The following ZNF281 variants were observed in gnomAD, a reference collection of about 807,000 sequenced individuals.
ZNF281 encodes GC-box-binding zinc finger protein 1.
A neutral mutation model predicts 58.8 loss-of-function variants in ZNF281; 2 were observed. The ratio of observed to expected loss-of-function variants is 0.03; its 90% CI spans 0.01 to 0.11. ZNF281 has a LOEUF of 0.11. Ranked by LOEUF, ZNF281 falls within the 10% of genes least tolerant of loss-of-function variation. The pLI is 1.00. For synonymous variants in ZNF281, 465 were observed against 407.7 expected, an observed-to-expected ratio of 1.14 and a Z score of -1.69; for missense variants, 975 against 1,090.7, an observed-to-expected ratio of 0.89 and a Z score of 1.49.
Position 200,405,997 on chromosome 1 carries a change from TAG to T in ZNF281, c.*1019_*1020del, listed in dbSNP as rs1558003501. ...GGTTCTAAAATTAAAACTGTTAAAATAGAAAGAGGGAAAAGGAAGGCCCAAGA... is the reference window on the plus strand; with the variant it reads ...GGTTCTAAAATTAAAACTGTTAAAATAAAGAGGGAAAAGGAAGGCCCAAGA... On this transcript the variant is annotated 3_prime_UTR_variant, in exon 2 of 2. Coordinates refer to ENST00000367353, the MANE Select transcript of ZNF281 (RefSeq NM_001281293.2). The T allele has an allele frequency of 1.3e-5, 2 of 151,722 alleles. No individual in the cohort carries two copies. The highest frequency in any genetic ancestry group is 2.9e-5 in the Non-Finnish European group (2 of 67,950). 9.4% of individuals were successfully genotyped at this position (151,722 alleles called of 1,614,324 possible).
In ZNF281 at chr1:200,407,424, G is replaced by T; in HGVS notation, c.2282C>A (p.Pro761His). 1 of 1,614,160 alleles carries T rather than the reference G, an allele frequency of 6.2e-7. No homozygotes were observed. The highest frequency in any genetic ancestry group is 1.7e-5 in the Admixed American group (1 of 60,016). ...ALDATHQQLT[P>H]SQELDDLIDS... ...TATCAGATCATCCAGCTCCTGGGAA[G>T]GTGTCAACTGCTGATGTGTAGCATC... Residue 761 changes from proline (P) to histidine (H), a missense_variant, in exon 2 of 2, where the codon CCT becomes CAT. By Grantham distance (77) the Pro-to-His change is moderately conservative. Around this residue, in one of 3 missense-constraint regions of ZNF281, gnomAD observed 579 missense variants for 608.9 expected, o/e 0.95. Transcript: ENST00000367353.
chr1:200,410,020 A>G lies in ZNF281; in HGVS notation c.-93T>C. 1 of 505,332 alleles carries G rather than the reference A, an allele frequency of 2.0e-6. No homozygotes were observed. The highest frequency in any genetic ancestry group is 3.5e-6 in the Non-Finnish European group (1 of 283,060). The allele number at this position is 505,332 out of a possible 1,614,324, so 31.3% of individuals were successfully genotyped here. A position where few individuals can be genotyped will look rare whatever the true frequency, so the allele number is the denominator to read the frequency against. On this transcript the variant is annotated 5_prime_UTR_variant, in exon 1 of 2. Transcript: ENST00000367353. Reference sequence around the variant, plus strand: ...CGCCGTCCTCTCCACAATGGAATTAAAAGCCTCCCGTGTACTGCGCAGCCG... The same window carrying G: ...CGCCGTCCTCTCCACAATGGAATTAGAAGCCTCCCGTGTACTGCGCAGCCG...
At position 200,408,406 on chromosome 1, in the gene ZNF281, T is replaced by C. The variant is rs143021640; in HGVS notation, c.1300A>G (p.Met434Val). 6.2e-7 allele frequency: 1 copy of C among 1,614,066 alleles called. No homozygotes were observed. Among genetic ancestry groups the C allele is most frequent in the Admixed American group, 1.7e-5 (1 of 59,998 alleles). The part of the protein sequence containing the change: ...NESQISNNIN[M>V]QSYSVEMPTV... ...GGCATTTCTACTGAGTAACTCTGCA[T>C]GTTTATATTATTTGAAATTTGCGAT... The change falls in exon 2 of 2, where the codon ATG becomes GTG. Residue 434 changes from methionine (M) to valine (V), a missense_variant. This residue lies in a region of ZNF281 where 579 missense variants were observed against 608.9 expected (regional missense o/e 0.95). Coordinates refer to ENST00000367353, the MANE Select transcript of ZNF281 (RefSeq NM_001281293.2).
Position 200,407,478 on chromosome 1 carries a change from G to A in ZNF281, c.2228C>T (p.Ser743Phe). The change falls in exon 2 of 2, where the codon TCT becomes TTT. Residue 743 changes from serine to phenylalanine, a missense_variant. Physicochemically the swap from Ser to Phe is radical, Grantham distance 155. This residue lies in a region of ZNF281 where 579 missense variants were observed against 608.9 expected (regional missense o/e 0.95). Coordinates refer to ENST00000367353, the MANE Select transcript of ZNF281 (RefSeq NM_001281293.2). ...AGCAGACAAATAAAGACCTGGCTGA[G>A]ATCCAAACAACATCCCAAAAGGAGG... Reference protein sequence around the residue: ...PKPPFGMLFGSQPGLYLSALD... With the variant: ...PKPPFGMLFGFQPGLYLSALD... 6.2e-7 allele frequency: 1 copy of A among 1,614,164 alleles called. No homozygotes were observed. The highest frequency in any genetic ancestry group is 8.5e-7 in the Non-Finnish European group (1 of 1,180,030).
Position 200,409,684 on chromosome 1 carries a change from G to A in ZNF281, c.22C>T (p.Leu8=). Residue 8 remains leucine, a synonymous_variant, in exon 2 of 2, where the codon CTG becomes TTG. Coordinates refer to ENST00000367353, the MANE Select transcript of ZNF281 (RefSeq NM_001281293.2). ...CTGCCGGTACCTCCGCCGCCACTCA[G>A]GAACCCACTGCCGATTTTCATACCC... MKIGSGF[L]SGGGGTGSSG... is the part of the protein sequence containing the mutation. 2.5e-6 allele frequency: 4 copies of A among 1,581,636 alleles called. No homozygotes were observed. Among genetic ancestry groups the A allele is most frequent in the Non-Finnish European group, 3.4e-6 (4 of 1,166,296 alleles).
At position 200,406,936 on chromosome 1, in the gene ZNF281, T is replaced by C; in HGVS notation, c.*82A>G. 1 of 1,368,162 alleles carries C rather than the reference T, an allele frequency of 7.3e-7. No individual in the cohort carries two copies. The highest frequency in any genetic ancestry group is 9.9e-7 in the Non-Finnish European group (1 of 1,010,626). 84.8% of individuals were successfully genotyped at this position (1,368,162 alleles called of 1,614,324 possible). On this transcript the variant is annotated 3_prime_UTR_variant, in exon 2 of 2. Coordinates refer to ENST00000367353, the MANE Select transcript of ZNF281 (RefSeq NM_001281293.2). ...CATCACATTATTCTTAATAGGATCG[T>C]GTAGAAACATTCCAATGGCAGTGTT...
Position 200,408,429 on chromosome 1 carries a change from G to A in ZNF281, c.1277C>T (p.Ser426Leu), listed in dbSNP as rs967483817. Residue 426 changes from serine to leucine, a missense_variant, in exon 2 of 2, where the codon TCG becomes TTG. Coordinates refer to ENST00000367353, the MANE Select transcript of ZNF281 (RefSeq NM_001281293.2). ...CATGTTTATATTATTTGAAATTTGC[G>A]ATTCATTTGTTTTACCGGTCTTCTG... The part of the protein sequence containing the change: ...KEQKTGKTNE[S>L]QISNNINMQS... 6 of 1,613,896 alleles carry A rather than the reference G, an allele frequency of 3.7e-6. No homozygotes were observed. The highest frequency in any genetic ancestry group is 2.7e-5 in the African/African-American group (2 of 74,872).
Position 200,406,909 on chromosome 1 carries a change from G to C in ZNF281, c.*109C>G. On this transcript the variant is annotated 3_prime_UTR_variant, in exon 2 of 2. Coordinates refer to ENST00000367353, the MANE Select transcript of ZNF281 (RefSeq NM_001281293.2). The stretch of plus-strand genomic sequence containing the variant: ...TAAATATGAAAAGTTGCATTGAAAG[G>C]GCATCACATTATTCTTAATAGGATC... 1 of 1,012,114 alleles carries C rather than the reference G, an allele frequency of 9.9e-7. No individual in the cohort carries two copies. The highest frequency in any genetic ancestry group is 2.0e-5 in the South Asian group (1 of 49,084). 62.7% of individuals were successfully genotyped at this position (1,012,114 alleles called of 1,614,324 possible).
chr1:200,408,109 C>G lies in ZNF281; in HGVS notation c.1597G>C (p.Asp533His). The change falls in exon 2 of 2, where the codon GAT (aspartate) becomes CAT (histidine). Residue 533 changes from aspartate to histidine, a missense_variant. By Grantham distance (81) the Asp-to-His change is moderately conservative (BLOSUM62 -1). Coordinates refer to ENST00000367353, the MANE Select transcript of ZNF281 (RefSeq NM_001281293.2). ...CTTTTCTTTGAAAACTGCATGGCAT[C>G]ATCATAATTACTACTTATCTGACCT... ...KQGQISSNYD[D>H]AMQFSKKRRY... 3 of 1,614,172 alleles carry G rather than the reference C, an allele frequency of 1.9e-6. No homozygotes were observed. Among genetic ancestry groups the G allele is most frequent in the Non-Finnish European group, 2.5e-6 (3 of 1,180,014 alleles).
Position 200,407,544 on chromosome 1 carries a change from C to A in ZNF281, c.2162G>T (p.Gly721Val), listed in dbSNP as rs983704487. The change falls in exon 2 of 2, where the codon GGC (glycine) becomes GTC (valine). Residue 721 changes from glycine (G) to valine (V), a missense_variant. By Grantham distance (109) the Gly-to-Val change is moderately radical. Transcript: ENST00000367353. ...YTTSPLECGF[G>V]QSVTSVLPSS... Reference sequence around the variant, plus strand: ...TGGCAACACTGAGGTAACAGATTGGCCGAAACCACACTCCAAAGGAGACGT... The same window carrying A: ...TGGCAACACTGAGGTAACAGATTGGACGAAACCACACTCCAAAGGAGACGT... The A allele has an allele frequency of 6.2e-7, 1 of 1,614,002 alleles. No individual in the cohort carries two copies. The highest frequency in any genetic ancestry group is 1.3e-5 in the African/African-American group (1 of 74,876).
In ZNF281 at chr1:200,409,240, C is replaced by A; in HGVS notation, c.466G>T (p.Ala156Ser). 6.2e-7 allele frequency: 1 copy of A among 1,614,060 alleles called. No homozygotes were observed. The highest frequency in any genetic ancestry group is 1.1e-5 in the South Asian group (1 of 91,072). Residue 156 changes from alanine to serine, a missense_variant, in exon 2 of 2, where the codon GCT becomes TCT. Physicochemically the swap from Ala to Ser is moderately conservative, Grantham distance 99. Transcript: ENST00000367353. Reference protein sequence around the residue: ...HHHYGGLFAGAEERSPGLGGG... With the variant: ...HHHYGGLFAGSEERSPGLGGG... ...CCTAGGCCTGGAGACCTCTCTTCAG[C>A]TCCAGCGAACAGCCCCCCATAGTGG...
chr1:200,406,415 T>C lies in ZNF281; in HGVS notation c.*603A>G, dbSNP rs1409136484. ...TTTAAAAGCTGCAACAAAATATAGGTAGCCAACAATCTCAGAATTTTGGAT... is the reference window on the plus strand; with the variant it reads ...TTTAAAAGCTGCAACAAAATATAGGCAGCCAACAATCTCAGAATTTTGGAT... On this transcript the variant is annotated 3_prime_UTR_variant, in exon 2 of 2. Coordinates refer to ENST00000367353, the MANE Select transcript of ZNF281 (RefSeq NM_001281293.2). The C allele has an allele frequency of 1.3e-5, 2 of 152,604 alleles. No homozygotes were observed. The highest frequency in any genetic ancestry group is 2.4e-5 in the African/African-American group (1 of 41,430). The allele number at this position is 152,604 out of a possible 1,614,324, so 9.5% of individuals were successfully genotyped here.
rs1238812153 is a variant in ZNF281 at position 200,405,906 on chromosome 1, T to C, written c.*1112A>G. 2.6e-5 allele frequency: 4 copies of C among 152,106 alleles called. No individual in the cohort carries two copies. The highest frequency in any genetic ancestry group is 9.6e-5 in the African/African-American group (4 of 41,486). 9.4% of individuals were successfully genotyped at this position (152,106 alleles called of 1,614,324 possible). A position where few individuals can be genotyped will look rare whatever the true frequency, so the allele number is the denominator to read the frequency against. On this transcript the variant is annotated 3_prime_UTR_variant, in exon 2 of 2. Coordinates refer to ENST00000367353, the MANE Select transcript of ZNF281 (RefSeq NM_001281293.2). ...GTGGGTTTTGGGGATGTTTACCCTA[T>C]TGTTTTTTATTTGGATGCCCTAAGG...
In ZNF281 at chr1:200,406,226, G is replaced by A. The variant is rs1654446810; in HGVS notation, c.*792C>T. On this transcript the variant is annotated 3_prime_UTR_variant, in exon 2 of 2. Coordinates refer to ENST00000367353, the MANE Select transcript of ZNF281 (RefSeq NM_001281293.2). ...TTCAACACTGTACTAGATGTCAGTA[G>A]AATCGCTTGATGGAATTACAGCCTT... 6 of 152,300 alleles carry A rather than the reference G, an allele frequency of 3.9e-5. No individual in the cohort carries two copies. Among genetic ancestry groups the A allele is most frequent in the Admixed American group, 3.3e-4 (5 of 15,252 alleles). The allele number at this position is 152,300 out of a possible 1,614,324, so 9.4% of individuals were successfully genotyped here. A position where few individuals can be genotyped will look rare whatever the true frequency, so the allele number is the denominator to read the frequency against.
Position 200,409,561 on chromosome 1 carries a change from C to T in ZNF281, c.145G>A (p.Gly49Ser), listed in dbSNP as rs990670106. The change falls in exon 2 of 2, where the codon GGT becomes AGT. Residue 49 changes from glycine (G) to serine (S), a missense_variant. This residue lies in a region of ZNF281 where 370 missense variants were observed against 360.9 expected (regional missense o/e 1.03). Transcript: ENST00000367353. ...AGACGGTGGTTGAACATAACCATAC[C>T]CTGGGGAAAGGTGGGTTCCATCTCT... The part of the protein sequence containing the change: ...RAEMEPTFPQ[G>S]MVMFNHRLPP... 2.3e-5 allele frequency: 35 copies of T among 1,549,800 alleles called. No individual in the cohort carries two copies. The highest frequency in any genetic ancestry group is 2.9e-5 in the Non-Finnish European group (33 of 1,146,816).
At position 200,409,731 on chromosome 1, in the gene ZNF281, AAGG is replaced by A; in HGVS notation, c.-18-11_-18-9del. The A allele has an allele frequency of 1.3e-6, 2 of 1,591,512 alleles. No homozygotes were observed. The highest frequency in any genetic ancestry group is 1.7e-6 in the Non-Finnish European group (2 of 1,172,026). On this transcript the variant is annotated splice_polypyrimidine_tract_variant and intron_variant, in intron 1 of 1. Coordinates refer to ENST00000367353, the MANE Select transcript of ZNF281 (RefSeq NM_001281293.2). The stretch of plus-strand genomic sequence containing the variant: ...ACCCCGGAGGAGGCCTGGCTGAAGA[AAGG>A]AGGAGGAAGAGGGAAGAGGGAGGAA...
Position 200,406,985 on chromosome 1 carries a change from TAGA to T in ZNF281, c.*30_*32del, listed in dbSNP as rs1393331573. ...TTCTCAAAATAAAACAAAATTACAT[TAGA>T]AGACCTCCAGCCTGGCCACTTTTGG... is the stretch of plus-strand genomic sequence containing the variant. On this transcript the variant is annotated 3_prime_UTR_variant, in exon 2 of 2. Transcript: ENST00000367353. The T allele has an allele frequency of 6.4e-7, 1 of 1,552,780 alleles. No homozygotes were observed. The highest frequency in any genetic ancestry group is 8.7e-7 in the Non-Finnish European group (1 of 1,155,564).
chr1:200,409,013 G>T lies in ZNF281; in HGVS notation c.693C>A (p.Ile231=), dbSNP rs1654530406. Residue 231 remains isoleucine, a synonymous_variant, in exon 2 of 2, where the codon ATC becomes ATA. Transcript: ENST00000367353. ...AKRPKPESQG[I]KAKRKPSASS... ...ATGCACTTGGCTTCCTCTTGGCTTT[G>T]ATTCCCTGAGATTCTGGCTTTGGCC... 1.2e-6 allele frequency: 2 copies of T among 1,614,234 alleles called. No individual in the cohort carries two copies. Among genetic ancestry groups the T allele is most frequent in the Non-Finnish European group, 1.7e-6 (2 of 1,180,044 alleles).
chr1:200,409,170 A>C lies in ZNF281; in HGVS notation c.536T>G (p.Ile179Ser), dbSNP rs1408081385. 6.2e-7 allele frequency: 1 copy of C among 1,613,972 alleles called. No individual in the cohort carries two copies. Among genetic ancestry groups the C allele is most frequent in the African/African-American group, 1.3e-5 (1 of 74,902 alleles). ...GSHGVIQDLSILHQHVQQQPA... is the reference protein window; with the variant it reads ...GSHGVIQDLSSLHQHVQQQPA... ...TTGCTGCTGGACATGCTGGTGGAGAATACTGAGGTCCTGGATGACGCCGTG... is the reference window on the plus strand; with the variant it reads ...TTGCTGCTGGACATGCTGGTGGAGACTACTGAGGTCCTGGATGACGCCGTG... Residue 179 changes from isoleucine (I) to serine (S), a missense_variant, in exon 2 of 2, where the codon ATT (isoleucine) becomes AGT (serine). Physicochemically the swap from Ile to Ser is moderately radical, Grantham distance 142. Transcript: ENST00000367353.
Sources: allele counts gnomAD v4.1 joint callset, GRCh38; gene constraint gnomAD v4.1.1; regional missense constraint gnomAD v4.1.1; transcripts MANE v1.5; gene names NCBI Gene and HGNC (gene_info 2026-07-23, HGNC 2026-07-21).